Variants in IFT140 observed in about 807,000 individuals in gnomAD.
IFT140 encodes the protein intraflagellar transport protein 140 homolog.
Under a neutral mutation model 164.6 loss-of-function variants are expected in IFT140, and 133 were observed. The ratio of observed to expected loss-of-function variants is 0.81; its 90% confidence interval spans 0.70 to 0.93. The LOEUF (loss-of-function observed/expected upper bound fraction) is 0.93, where lower values mean the gene tolerates loss of function less well. IFT140 is among the 40% of genes least tolerant of loss of function. The pLI is 0.00. For synonymous variants in IFT140, 860 were observed against 817.3 expected (o/e 1.05, Z -0.89); for missense variants, 2,045 against 1,972.3 (o/e 1.04, Z -0.70).
intron 26 of IFT140, among the ~76,000 whole-genome samples, chr16:1,521,930 A>T (rs551387802): frequency 2.5e-3 from 379 of 151,740 alleles, no homozygotes; most frequent in African/African-American, 8.2e-3. Flanking sequence ...AAAAAAAAAA[A>T]AAAAGAATAT....
chr16:1,557,592 T>G, intron 19 of IFT140: 1 of 246,230 alleles, frequency 4.1e-6, no homozygotes, highest in Non-Finnish European at 7.8e-6. Context: ...TTTAATTGTG[T>G]TTCCACCTGG....
chr16:1,568,051 G>A (rs1264592435), intron 15 of IFT140, among the ~76,000 whole-genome samples, 166 bp downstream of exon 15: 2 of 152,166 alleles, frequency 1.3e-5, no homozygotes, highest in Non-Finnish European at 2.9e-5. Flanking sequence ...CGGAGAAGGT[G>A]GGAGGGAGAG....
At chr16:1,609,081 G>A (rs573808570) in intron 2 of IFT140, among the ~76,000 whole-genome samples, 1 of 152,260 alleles carries the variant, frequency 6.6e-6, no homozygotes, top group East Asian at 1.9e-4. Context: ...CTTGAATCCA[G>A]GAGGCGGAGG....
At chr16:1,582,625 C>T (rs992391853) in intron 12 of IFT140, among the ~76,000 whole-genome samples, 12 of 152,366 alleles carry the variant, frequency 7.9e-5, no homozygotes, top group East Asian at 1.9e-4. Context: ...TGGCCAAGGC[C>T]GGGCGCGGAG....
chr16:1,600,422 C>A (rs2035732468), intron 4 of IFT140, among the ~76,000 whole-genome samples: 1 of 139,442 alleles, frequency 7.2e-6, no homozygotes, highest in African/African-American at 2.8e-5. Context: ...AAATCCCCCT[C>A]TGTGAGAAAC....
chr16:1,541,582 C>T (rs921525811), intron 19 of IFT140: 8 of 821,708 alleles, frequency 9.7e-6, no homozygotes, highest in Middle Eastern at 6.3e-4. Flanking sequence ...CCTCCACCCC[C>T]ACGCCAGCGC....
At chr16:1,580,642 C>T (rs2034507271) in intron 13 of IFT140, 117 bp downstream of exon 13, 2 of 686,044 alleles carry the variant, frequency 2.9e-6, no homozygotes, top group African/African-American at 1.8e-5. Flanking sequence ...TAGTTCTTTA[C>T]ACAGTGTGAG....
At chr16:1,573,531 G>A (rs904356053) in intron 13 of IFT140, among the ~76,000 whole-genome samples, 13 of 152,050 alleles carry the variant, frequency 8.5e-5, no homozygotes, top group African/African-American at 3.1e-4. Flanking sequence ...CCACGAACTC[G>A]AACTTGCATC....
At position 1,557,946 on chromosome 16, in the gene IFT140, C is replaced by T. The variant is rs761593016; in HGVS notation, c.2388G>A (p.Lys796=). 1.5e-4 allele frequency: 241 copies of T among 1,613,594 alleles called. No homozygotes were observed. The highest frequency in any genetic ancestry group is 4.7e-4 in the Admixed American group (28 of 60,008). ...GTCGGGATCCTCACCTTTTGATGAGCTTGATGGATTTGAAGGCTTCGTCCA... is the reference window on the plus strand; with the variant it reads ...GTCGGGATCCTCACCTTTTGATGAGTTTGATGGATTTGAAGGCTTCGTCCA... ...GDMDEAFKSI[K]LIKSEAVWEN... Residue 796 remains lysine, a synonymous_variant, in exon 19 of 31, where the codon AAG becomes AAA. Transcript: ENST00000426508.
At chr16:1,540,807 G>A (rs142443373) in intron 19 of IFT140, 30 of 984,054 alleles carry the variant, frequency 3.0e-5, no homozygotes, top group South Asian at 4.7e-5. Context: ...TTTGGGAATC[G>A]AATTTCCCAA....
intron 4 of IFT140, among the ~76,000 whole-genome samples, chr16:1,601,630 T>C (rs529587861): frequency 6.6e-6 from 1 of 152,370 alleles, no homozygotes; most frequent in African/African-American, 2.4e-5. Flanking sequence ...CCTTGCACTG[T>C]TCTTTCAACT....
intron 13 of IFT140, chr16:1,576,960 T>G (rs1425986044): frequency 6.6e-6 from 1 of 152,226 alleles, no homozygotes; most frequent in Admixed American, 6.5e-5. Flanking sequence ...CTTAAAATGT[T>G]GTGCAGTGCT....
Position 1,586,289 on chromosome 16 carries a change from C to A in IFT140, c.1010-14G>T. On this transcript the variant is annotated splice_polypyrimidine_tract_variant and intron_variant, in intron 9 of 30. Coordinates refer to ENST00000426508, the MANE Select transcript of IFT140 (RefSeq NM_014714.4). ...CGGCCAGAAGACCTACAGGTAGAAA[C>A]AAACTGCATGTGAACAGAGTTAAAA... The A allele has an allele frequency of 6.2e-7, 1 of 1,607,686 alleles. No homozygotes were observed. Among genetic ancestry groups the A allele is most frequent in the Non-Finnish European group, 8.5e-7 (1 of 1,177,096 alleles).
intron 25 of IFT140, 56 bp downstream of exon 25, chr16:1,523,772 A>C: frequency 2.2e-5 from 35 of 1,606,832 alleles, no homozygotes; most frequent in Non-Finnish European, 3.0e-5. Context: ...CGCACAGGCA[A>C]GGGCCCCCTG....
intron 19 of IFT140, among the ~76,000 whole-genome samples, chr16:1,542,392 G>A (rs1318707571): frequency 6.6e-6 from 1 of 152,224 alleles, no homozygotes; most frequent in Non-Finnish European, 1.5e-5. Flanking sequence ...ATTGCTGACT[G>A]GCCCTTGTGC....
intron 26 of IFT140, among the ~76,000 whole-genome samples, chr16:1,522,158 A>T (rs2141156343): frequency 6.6e-6 from 1 of 152,238 alleles, no homozygotes; most frequent in Middle Eastern, 3.4e-3. Context: ...GGAGATCGAG[A>T]CCATCCTGGC....
At chr16:1,597,175 T>A (rs1209953047) in intron 4 of IFT140, among the ~76,000 whole-genome samples, 1 of 152,178 alleles carries the variant, frequency 6.6e-6, no homozygotes, top group Non-Finnish European at 1.5e-5. Context: ...AGGGTTTACT[T>A]GACCCTCAGA....
Position 1,592,448 on chromosome 16 carries a change from G to A in IFT140, c.491+19C>T, listed in dbSNP as rs1002363934. 1 of 1,613,502 alleles carries A rather than the reference G, an allele frequency of 6.2e-7. No homozygotes were observed. Among genetic ancestry groups the A allele is most frequent in the Non-Finnish European group, 8.5e-7 (1 of 1,179,640 alleles). ...GATGTAAACACACACACAGGTCACA[G>A]GGCAAGCCCCACACTTACTCGCCAG... On this transcript the variant is annotated intron_variant, in intron 5 of 30. Transcript: ENST00000426508.
At chr16:1,583,225 T>A (rs2034672505) in intron 12 of IFT140, 89 bp downstream of exon 12, 2 of 1,166,928 alleles carry the variant, frequency 1.7e-6, no homozygotes, top group Admixed American at 1.8e-5. Flanking sequence ...GTGCCAGCCC[T>A]CAACTGCACC....
Sources: gnomAD v4.1 joint callset for allele counts (sites outside exome capture counted in the v4.1 genomes callset) on GRCh38, gnomAD v4.1.1 for gene constraint, MANE v1.5 for transcripts, NCBI Gene and HGNC (gene_info 2026-07-23, HGNC 2026-07-21) for gene names.